Variants in CNTLN observed in about 807,000 individuals in gnomAD.
CNTLN encodes centlein, centrosomal protein.
CNTLN carries 212 observed loss-of-function variants against 180.0 expected under a neutral mutation model. That is an observed-to-expected ratio of 1.18 (90% CI 1.05 to 1.32). The LOEUF (loss-of-function observed/expected upper bound fraction) is 1.32, where lower values mean the gene tolerates loss of function less well. CNTLN is among the 40% of genes most tolerant of loss of function. The pLI, the probability that CNTLN is intolerant of heterozygous loss-of-function variation, is 0.00. For missense variants in CNTLN, 2,095 were observed against 1,610.9 expected (o/e 1.30, Z -5.14); for synonymous variants, 722 against 563.1 (o/e 1.28, Z -3.99).
intron 15 of CNTLN, among the ~76,000 whole-genome samples, chr9:17,406,331 C>T (rs1035648664): frequency 6.6e-6 from 1 of 151,766 alleles, no homozygotes; most frequent in Non-Finnish European, 1.5e-5. Context: ...CTTTCCTAAC[C>T]ACCCTCCCTG....
intron 2 of CNTLN, among the ~76,000 whole-genome samples, chr9:17,148,468 G>A (rs1322911421): frequency 2.0e-5 from 3 of 152,102 alleles, no homozygotes; most frequent in South Asian, 2.1e-4. Flanking sequence ...ATTCATTGAC[G>A]TCGAACTCTT....
chr9:17,426,670 CTT>C (rs1587964126), intron 18 of CNTLN, among the ~76,000 whole-genome samples: 1 of 151,980 alleles, frequency 6.6e-6, no homozygotes, highest in East Asian at 1.9e-4. Flanking sequence ...TTTAAACAAA[CTT>C]ATATATTCTT....
intron 18 of CNTLN, among the ~76,000 whole-genome samples, chr9:17,419,663 G>A (rs989499258): frequency 1.3e-5 from 2 of 152,048 alleles, no homozygotes; most frequent in African/African-American, 4.8e-5. Context: ...CAGAGAAATA[G>A]AAAGCATATA....
At chr9:17,262,915 T>G (rs906133183) in intron 5 of CNTLN, among the ~76,000 whole-genome samples, 1 of 151,334 alleles carries the variant, frequency 6.6e-6, no homozygotes, top group African/African-American at 2.5e-5. Flanking sequence ...GTTTTTATCA[T>G]GAAGGGTTGT....
intron 16 of CNTLN, among the ~76,000 whole-genome samples, chr9:17,412,108 T>A (rs1199638303): frequency 2.0e-5 from 3 of 149,358 alleles, no homozygotes; most frequent in African/African-American, 7.5e-5. Flanking sequence ...TATCAGCAGA[T>A]GCCTATTGGG....
the CNTLN span, among the ~76,000 whole-genome samples, chr9:17,520,561 G>A: frequency 1.2e-4 from 19 of 152,286 alleles, no homozygotes; most frequent in East Asian, 3.3e-3. Flanking sequence ...ATGGCTCCCC[G>A]CTTGGAGGTG....
At position 17,415,798 on chromosome 9, in the gene CNTLN, A is replaced by G. The variant is rs762469371; in HGVS notation, c.2807A>G (p.His936Arg). 2 of 1,600,728 alleles carry G rather than the reference A, an allele frequency of 1.2e-6. No individual in the cohort carries two copies. The highest frequency in any genetic ancestry group is 1.7e-5 in the Admixed American group (1 of 59,706). The change falls in exon 17 of 26, where the codon CAT becomes CGT. Residue 936 changes from histidine to arginine, a missense_variant. Transcript: ENST00000380647. ...AATCTTCAAATTTAGGACTATTTTC[A>G]TGATAAGAATGCCAAAAAACCAACT... ...IDGKTPKDYF[H>R]DKNAKKPTFQ...
intron 2 of CNTLN, among the ~76,000 whole-genome samples, chr9:17,165,798 C>G (rs187044506): frequency 3.9e-5 from 6 of 152,294 alleles, no homozygotes; most frequent in Admixed American, 3.9e-4. Context: ...TTGCTGGAAG[C>G]AGAGTCCTGA....
intron 13 of CNTLN, among the ~76,000 whole-genome samples, chr9:17,379,937 G>C (rs111749351): frequency 3.9e-5 from 6 of 152,032 alleles, no homozygotes; most frequent in Admixed American, 1.3e-4. Context: ...AATTTATAAC[G>C]TAATGGGTCT....
At chr9:17,490,095 G>A (rs764298187) in intron 25 of CNTLN, among the ~76,000 whole-genome samples, 1 of 152,130 alleles carries the variant, frequency 6.6e-6, no homozygotes, top group Admixed American at 6.6e-5. Context: ...AGAAAAGATA[G>A]AAATAGGAAA....
intron 2 of CNTLN, among the ~76,000 whole-genome samples, chr9:17,148,406 C>T (rs927829904): frequency 6.6e-6 from 1 of 152,226 alleles, no homozygotes; most frequent in African/African-American, 2.4e-5. Flanking sequence ...CTGATCAATA[C>T]ATAGCCTCAT....
At chr9:17,369,047 G>A (rs935724187) in intron 13 of CNTLN, among the ~76,000 whole-genome samples, 1 of 152,118 alleles carries the variant, frequency 6.6e-6, no homozygotes, top group African/African-American at 2.4e-5. Flanking sequence ...CCCCACCCCA[G>A]ACTCATCTTG....
rs538381726 is a variant in CNTLN, at chr9:17,491,149, G to A, written c.4119+4083G>A. On this transcript the variant is annotated intron_variant, in intron 25 of 25. Transcript: ENST00000380647. ...TTAGGCCTTTATGATACCCAAAACA[G>A]TCCTTTGCACTTGTGACTTTATAAA... is the stretch of plus-strand genomic sequence containing the variant. 4.7e-4 allele frequency among the ~76,000 whole-genome samples: 71 copies of A among 152,030 alleles called. No homozygotes were observed. The South Asian group carries it at 6.6e-3, about 14-fold the overall frequency.
At chr9:17,459,132 T>C (rs542218149) in intron 19 of CNTLN, among the ~76,000 whole-genome samples, 2 of 151,992 alleles carry the variant, frequency 1.3e-5, no homozygotes, top group African/African-American at 2.4e-5. Flanking sequence ...CTAAAAGACA[T>C]AAATAGTTTT....
chr9:17,197,752 T>C (rs1045669380), intron 2 of CNTLN, among the ~76,000 whole-genome samples: 2 of 152,184 alleles, frequency 1.3e-5, no homozygotes, highest in African/African-American at 2.4e-5. Flanking sequence ...TGATCCCATG[T>C]ATCCATTTTT....
chr9:17,368,995 A>G (rs1824079370), intron 13 of CNTLN, among the ~76,000 whole-genome samples: 1 of 152,186 alleles, frequency 6.6e-6, no homozygotes, highest in Non-Finnish European at 1.5e-5. Flanking sequence ...GCAAACATCC[A>G]TAAGGATCAA....
chr9:17,292,439 A>C (rs1170909688), intron 6 of CNTLN, among the ~76,000 whole-genome samples: 1 of 152,144 alleles, frequency 6.6e-6, no homozygotes, highest in Non-Finnish European at 1.5e-5. Context: ...TCAGGTATCC[A>C]AGTCAGTCAT....
At chr9:17,281,284 A>C (rs111867039) in intron 6 of CNTLN, among the ~76,000 whole-genome samples, 2 of 151,960 alleles carry the variant, frequency 1.3e-5, no homozygotes, top group Non-Finnish European at 2.9e-5. Context: ...TTTTTTAAAA[A>C]TTAATTTTGT....
intron 12 of CNTLN, among the ~76,000 whole-genome samples, chr9:17,349,003 T>A (rs560274912): frequency 2.0e-5 from 3 of 152,098 alleles, no homozygotes; most frequent in Non-Finnish European, 4.4e-5. Context: ...ATTTTTTGTT[T>A]CTGTTCATTG....
Sources: gnomAD v4.1 joint callset for allele counts (sites outside exome capture counted in the v4.1 genomes callset) on GRCh38, gnomAD v4.1.1 for gene constraint, MANE v1.5 for transcripts, NCBI Gene and HGNC (gene_info 2026-07-23, HGNC 2026-07-21) for gene names.